RELB: variants seen among roughly 807,000 people sequenced by gnomAD.
RELB encodes RELB proto-oncogene, NF-kB subunit.
A neutral mutation model predicts 55.4 loss-of-function variants in RELB; 14 were observed. That is an observed-to-expected ratio of 0.25 (90% CI 0.17 to 0.40). The LOEUF (loss-of-function observed/expected upper bound fraction) is 0.40. RELB is among the 10% of genes least tolerant of loss of function. The pLI, the probability that RELB is intolerant of heterozygous loss-of-function variation, is 1.00. For synonymous variants in RELB, 409 were observed against 371.3 expected, an observed-to-expected ratio of 1.10 and a Z score of -1.17; for missense variants, 669 against 830.7, an observed-to-expected ratio of 0.81 and a Z score of 2.39.
chr19:45,002,388 T>A (rs985954487), intron 1 of RELB, among the ~76,000 whole-genome samples: 6 of 152,224 alleles, frequency 3.9e-5, no homozygotes, highest in Non-Finnish European at 8.8e-5. Context: ...AGTCTCGCTC[T>A]GTCGCCCAGG....
intron 2 of RELB, among the ~76,000 whole-genome samples, chr19:45,005,518 G>A (rs1014548360): frequency 1.3e-5 from 2 of 152,118 alleles, no homozygotes; most frequent in Admixed American, 6.6e-5. Flanking sequence ...AAGTGAGGCC[G>A]GTTCCCCAAC....
At chr19:45,032,292 G>T (rs185931887) in intron 8 of RELB, 53 of 430,856 alleles carry the variant, frequency 1.2e-4, no homozygotes, top group African/African-American at 1.0e-3. Flanking sequence ...GGTGGCATAT[G>T]CCTGTAATCC....
At chr19:45,036,114 C>G (rs1971683089) in intron 11 of RELB, among the ~76,000 whole-genome samples, 1 of 152,100 alleles carries the variant, frequency 6.6e-6, no homozygotes, top group Non-Finnish European at 1.5e-5. Flanking sequence ...GCCCTGTTGC[C>G]TAGGCTGGAG....
chr19:45,008,482 A>G (rs1161283029), intron 2 of RELB: 1 of 456,184 alleles, frequency 2.2e-6, no homozygotes, highest in East Asian at 7.0e-5. Context: ...GATGCCTAAG[A>G]AGGATTTTCC....
chr19:45,020,706 C>T (rs1020986761), intron 4 of RELB, among the ~76,000 whole-genome samples: 54 of 151,270 alleles, frequency 3.6e-4, no homozygotes, highest in African/African-American at 1.1e-3. Flanking sequence ...TACAGGTGCC[C>T]GCCACCACGC....
At chr19:45,021,078 G>A (rs1290170465) in intron 4 of RELB, among the ~76,000 whole-genome samples, 2 of 152,088 alleles carry the variant, frequency 1.3e-5, no homozygotes, top group Non-Finnish European at 2.9e-5. Flanking sequence ...AGGAGGCTGC[G>A]GCAGGAGAAT....
chr19:45,010,720 C>T (rs2122406876), intron 3 of RELB, among the ~76,000 whole-genome samples: 1 of 152,282 alleles, frequency 6.6e-6, no homozygotes, highest in Admixed American at 6.5e-5. Flanking sequence ...CTCTGTCGCC[C>T]AGGCTGGAGT....
rs35366103 is a variant in RELB at position 45,032,313 on chromosome 19, G to A, written c.992-221G>A. 1,745 of 485,600 alleles carry A rather than the reference G, an allele frequency of 3.6e-3. 32 individuals are homozygous for A. The highest frequency in any genetic ancestry group is 0.031 in the African/African-American group (1,574 of 51,574). The allele number at this position is 485,600 out of a possible 1,614,324, so 30.1% of individuals were successfully genotyped here. On this transcript the variant is annotated intron_variant, in intron 8 of 11. Transcript: ENST00000221452. ...ATATGCCTGTAATCCCAGCTATTCC[G>A]GAGGCTGAGGCAGGAGAATTGCTTG...
intron 4 of RELB, among the ~76,000 whole-genome samples, chr19:45,021,283 C>T (rs949049555): frequency 5.3e-5 from 8 of 151,664 alleles, no homozygotes; most frequent in South Asian, 4.2e-4. Context: ...ACCATCCTGG[C>T]GAACACGGTG....
Position 45,022,033 on chromosome 19 carries a change from G to A in RELB, c.505-20G>A, listed in dbSNP as rs1012251871. ...AGGCATCGGTGATGGGACCCCCAAAGAGGACTTCTCTTCCTGCAGCTCCGG... is the reference window on the plus strand; with the variant it reads ...AGGCATCGGTGATGGGACCCCCAAAAAGGACTTCTCTTCCTGCAGCTCCGG... On this transcript the variant is annotated intron_variant, in intron 4 of 11. Coordinates refer to ENST00000221452, the MANE Select transcript of RELB (RefSeq NM_006509.4). The A allele has an allele frequency of 1.9e-6, 3 of 1,596,846 alleles. No individual in the cohort carries two copies. In the African/African-American group the frequency reaches 4.0e-5, roughly 21 times the overall value.
Position 45,022,218 on chromosome 19 carries a change from C to G in RELB, c.662+8C>G, listed in dbSNP as rs780887464. On this transcript the variant is annotated splice_region_variant and intron_variant, in intron 5 of 11. Coordinates refer to ENST00000221452, the MANE Select transcript of RELB (RefSeq NM_006509.4). ...CGTCAGCCCCCGGCACAGGTACCCA[C>G]CCCCTGACCTCCGACCTCTCATCCT... 6.3e-7 allele frequency: 1 copy of G among 1,585,484 alleles called. No individual in the cohort carries two copies. Among genetic ancestry groups the G allele is most frequent in the South Asian group, 1.1e-5 (1 of 89,466 alleles).
intron 7 of RELB, among the ~76,000 whole-genome samples, chr19:45,027,951 G>C (rs745739008): frequency 6.6e-5 from 10 of 152,126 alleles, no homozygotes; most frequent in Non-Finnish European, 1.2e-4. Context: ...TGCAGTCATA[G>C]CTTACTGCAG....
At chr19:45,031,514 T>C (rs1171586274) in intron 8 of RELB, among the ~76,000 whole-genome samples, 3 of 152,118 alleles carry the variant, frequency 2.0e-5, no homozygotes, top group African/African-American at 7.2e-5. Flanking sequence ...GTCTTGTGAG[T>C]CCTCTTACTG....
At chr19:45,033,667 A>G (rs1181194105) in intron 9 of RELB, among the ~76,000 whole-genome samples, 3 of 151,620 alleles carry the variant, frequency 2.0e-5, no homozygotes, top group African/African-American at 7.3e-5. Context: ...CCTGGGCAAC[A>G]GAGCAAGACT....
chr19:45,032,469 G>A, intron 8 of RELB, 65 bp from the exon 9 acceptor site: 2 of 1,351,128 alleles, frequency 1.5e-6, no homozygotes, highest in Non-Finnish European at 2.1e-6. Flanking sequence ...AGGGGAGGCT[G>A]GGCAAGTTGG....
At position 45,001,623 on chromosome 19, in the gene RELB, G is replaced by A. The variant is rs1309071910; in HGVS notation, c.44G>A (p.Gly15Asp). ...GCCTCTGGGCCGTCCGTCCCCACTG[G>A]CCGGGCCATGCCGAGTCGCCGCGTC... ...GPASGPSVPTGRAMPSRRVAR... is the reference protein window; with the variant it reads ...GPASGPSVPTDRAMPSRRVAR... Residue 15 changes from glycine (G) to aspartate (D), a missense_variant, in exon 1 of 12, where the codon GGC (glycine) becomes GAC (aspartate). By Grantham distance (94) the Gly-to-Asp change is moderately conservative. This residue lies in a region of RELB where 323 missense variants were observed against 368.5 expected (regional missense o/e 0.88). Transcript: ENST00000221452. 6.6e-7 allele frequency: 1 copy of A among 1,522,138 alleles called. No individual in the cohort carries two copies. Among genetic ancestry groups the A allele is most frequent in the African/African-American group, 1.4e-5 (1 of 71,622 alleles). 94.3% of individuals were successfully genotyped at this position (1,522,138 alleles called of 1,614,324 possible).
In RELB at chr19:45,032,856, G is replaced by C. The variant is rs35867486; in HGVS notation, c.1207+107G>C. On this transcript the variant is annotated intron_variant, in intron 9 of 11. Coordinates refer to ENST00000221452, the MANE Select transcript of RELB (RefSeq NM_006509.4). ...GAGGCAGAACTAGAATGCAGGCTCA[G>C]AGCTACAAAGACAGTGTTCAGATCC... is the stretch of plus-strand genomic sequence containing the variant. 1,859 of 909,040 alleles carry C rather than the reference G, an allele frequency of 2.0e-3. 2 individuals are homozygous for C. The highest frequency in any genetic ancestry group is 2.5e-3 in the Non-Finnish European group (1,506 of 594,350). 56.3% of individuals were successfully genotyped at this position (909,040 alleles called of 1,614,324 possible). A position where few individuals can be genotyped will look rare whatever the true frequency, so the allele number is the denominator to read the frequency against.
chr19:45,004,970 C>T (rs1971265081), intron 2 of RELB, among the ~76,000 whole-genome samples: 1 of 151,924 alleles, frequency 6.6e-6, no homozygotes, highest in Non-Finnish European at 1.5e-5. Flanking sequence ...GAGTTCAAGA[C>T]CAGCCTGGCC....
At chr19:45,003,715 C>T (rs574518449) in intron 2 of RELB, 3 of 465,430 alleles carry the variant, frequency 6.4e-6, no homozygotes, top group East Asian at 5.6e-5. Context: ...AACAGTGCCT[C>T]TCTTTCAGGG....
Sources: gnomAD v4.1 joint callset for allele counts (sites outside exome capture counted in the v4.1 genomes callset) on GRCh38, gnomAD v4.1.1 for gene constraint, gnomAD v4.1.1 regional missense constraint, MANE v1.5 for transcripts, NCBI Gene and HGNC (gene_info 2026-07-23, HGNC 2026-07-21) for gene names.